IQCJ: variants seen among roughly 807,000 people sequenced by gnomAD.
The protein encoded by IQCJ is IQ domain-containing protein J.
A neutral mutation model predicts 11.0 loss-of-function variants in IQCJ; 9 were observed. That is an observed-to-expected ratio of 0.82 (90% CI 0.49 to 1.43). The LOEUF (loss-of-function observed/expected upper bound fraction) is 1.43. Among genes scored for constraint, IQCJ ranks in the 40% most tolerant of loss-of-function variants. The pLI is 0.00. For synonymous variants in IQCJ, 55 were observed against 51.3 expected, an observed-to-expected ratio of 1.07 and a Z score of -0.31; for missense variants, 146 against 133.2, an observed-to-expected ratio of 1.10 and a Z score of -0.47.
chr3:159,094,160 A>ATT (rs1478937424), intron 1 of IQCJ, among the ~76,000 whole-genome samples: 18 of 151,776 alleles, frequency 1.2e-4, no homozygotes, highest in African/African-American at 4.4e-4. Flanking sequence ...CATTTCCTTC[A>ATT]TTCACAATAA....
At chr3:159,144,052 A>G (rs1720781893) in intron 1 of IQCJ, among the ~76,000 whole-genome samples, 1 of 152,208 alleles carries the variant, frequency 6.6e-6, no homozygotes, top group Non-Finnish European at 1.5e-5. Context: ...ATGAGGGTGC[A>G]GCCCTTATGC....
At chr3:159,233,989 A>C (rs1370055663) in intron 1 of IQCJ, among the ~76,000 whole-genome samples, 1 of 152,192 alleles carries the variant, frequency 6.6e-6, no homozygotes, top group Non-Finnish European at 1.5e-5. Flanking sequence ...TTTGCAGAAC[A>C]TTACAACTTC....
rs758956389 is a variant in IQCJ at position 159,262,571 on chromosome 3, A to G, written c.179A>G (p.Tyr60Cys). The G allele has an allele frequency of 5.0e-6, 8 of 1,613,664 alleles. No individual in the cohort carries two copies. The Admixed American group carries it at 1.3e-4, about 27-fold the overall frequency. ...AGCATTCAGCGAGCATGGCGAGAGT[A>G]CCTGCAGCGGCAGGAGCCCCTGGGG... ...VKIIQRAWREYLQRQEPLGKR... is the reference protein window; with the variant it reads ...VKIIQRAWRECLQRQEPLGKR... The change falls in exon 4 of 4, where the codon TAC becomes TGC. Residue 60 changes from tyrosine (Y) to cysteine (C), a missense_variant. Coordinates refer to ENST00000397832, the MANE Select transcript of IQCJ (RefSeq NM_001042706.3).
intron 1 of IQCJ, among the ~76,000 whole-genome samples, chr3:159,101,378 A>G (rs933741354): frequency 1.3e-5 from 2 of 152,082 alleles, no homozygotes; most frequent in Non-Finnish European, 2.9e-5. Context: ...CTATTCGGCC[A>G]TCTTGGCTCC....
chr3:159,144,665 C>T (rs1355313527), intron 1 of IQCJ, among the ~76,000 whole-genome samples: 3 of 29,826 alleles, frequency 1.0e-4, no homozygotes, highest in Non-Finnish European at 2.4e-4. Context: ...CACACAGACA[C>T]ACACACACAC....
intron 1 of IQCJ, among the ~76,000 whole-genome samples, chr3:159,205,546 C>T (rs1724609340): frequency 6.6e-6 from 1 of 152,200 alleles, no homozygotes; most frequent in Non-Finnish European, 1.5e-5. Flanking sequence ...CTAAATTACA[C>T]TGAAGGTCTT....
At chr3:159,076,276 T>G (rs1715910191) in intron 1 of IQCJ, among the ~76,000 whole-genome samples, 1 of 152,110 alleles carries the variant, frequency 6.6e-6, no homozygotes, top group South Asian at 2.1e-4. Context: ...TCAATTTTAG[T>G]CCACACTGGA....
chr3:159,248,841 A>C (rs1727425192), intron 2 of IQCJ, among the ~76,000 whole-genome samples: 1 of 151,516 alleles, frequency 6.6e-6, no homozygotes, highest in African/African-American at 2.4e-5. Context: ...AAACCTGGCC[A>C]TGCTGGTTTT....
intron 3 of IQCJ, among the ~76,000 whole-genome samples, chr3:159,256,464 C>G (rs552894064): frequency 6.6e-6 from 1 of 152,122 alleles, no homozygotes; most frequent in Non-Finnish European, 1.5e-5. Context: ...TAATACATTT[C>G]TACTTTAGTC....
chr3:159,149,295 C>G (rs572369528), intron 1 of IQCJ, among the ~76,000 whole-genome samples: 1 of 152,090 alleles, frequency 6.6e-6, no homozygotes, highest in Admixed American at 6.6e-5. Context: ...CGGCAGACTC[C>G]GGAGGTTTTT....
At chr3:159,142,898 T>A (rs1720710634) in intron 1 of IQCJ, among the ~76,000 whole-genome samples, 1 of 152,334 alleles carries the variant, frequency 6.6e-6, no homozygotes, top group African/African-American at 2.4e-5. Flanking sequence ...CTATAATTGA[T>A]ATATATGTAA....
At chr3:159,173,161 G>A (rs965223162) in intron 1 of IQCJ, among the ~76,000 whole-genome samples, 25 of 152,130 alleles carry the variant, frequency 1.6e-4, no homozygotes, top group Non-Finnish European at 2.8e-4. Flanking sequence ...GGAGTAGACC[G>A]TGAGCAGACC....
intron 1 of IQCJ, among the ~76,000 whole-genome samples, chr3:159,154,292 G>T (rs1483314557): frequency 6.6e-6 from 1 of 152,088 alleles, no homozygotes; most frequent in Non-Finnish European, 1.5e-5. Flanking sequence ...TGGCACCGTA[G>T]GCATGGACAC....
intron 1 of IQCJ, among the ~76,000 whole-genome samples, chr3:159,228,767 C>T (rs1726012573): frequency 6.7e-6 from 1 of 150,208 alleles, no homozygotes; most frequent in Non-Finnish European, 1.5e-5. Context: ...CCCGCCACTG[C>T]ACTCCAGCCT....
intron 1 of IQCJ, among the ~76,000 whole-genome samples, chr3:159,170,844 A>G (rs1490586644): frequency 6.6e-6 from 1 of 152,218 alleles, no homozygotes; most frequent in African/African-American, 2.4e-5. Context: ...AAGTTAAAAA[A>G]GAACAGTGAA....
At chr3:159,218,975 G>A (rs1190472367) in intron 1 of IQCJ, among the ~76,000 whole-genome samples, 1 of 152,044 alleles carries the variant, frequency 6.6e-6, no homozygotes, top group Non-Finnish European at 1.5e-5. Flanking sequence ...CAGCAGCATA[G>A]CACCTTCAAA....
chr3:159,084,798 C>T (rs571589294), intron 1 of IQCJ, among the ~76,000 whole-genome samples: 1 of 151,958 alleles, frequency 6.6e-6, no homozygotes, highest in South Asian at 2.1e-4. Context: ...AGGAGGTAAC[C>T]CCATTAAGAC....
At chr3:159,200,057 T>TTA (rs907403054) in intron 1 of IQCJ, among the ~76,000 whole-genome samples, 14 of 131,228 alleles carry the variant, frequency 1.1e-4, no homozygotes, top group Non-Finnish European at 1.3e-4. Context: ...TAAATCTAAA[T>TTA]TATATATATA....
intron 1 of IQCJ, among the ~76,000 whole-genome samples, chr3:159,240,923 A>C (rs960017287): frequency 3.9e-5 from 6 of 152,202 alleles, no homozygotes; most frequent in African/African-American, 1.4e-4. Context: ...ACATTTTAAA[A>C]GACATGGCCA....
Sources: gnomAD v4.1 joint callset for allele counts (sites outside exome capture counted in the v4.1 genomes callset) on GRCh38, gnomAD v4.1.1 for gene constraint, MANE v1.5 for transcripts, NCBI Gene and HGNC (gene_info 2026-07-23, HGNC 2026-07-21) for gene names.